FDFT1: variants seen among roughly 807,000 people sequenced by gnomAD.
FDFT1 encodes farnesyl-diphosphate farnesyltransferase 1, also known as squalene synthase.
A neutral mutation model predicts 46.8 loss-of-function variants in FDFT1; 68 were observed. That is an observed-to-expected ratio of 1.45 (90% CI 1.19 to 1.78). FDFT1 has a LOEUF of 1.78. Ranked by LOEUF, FDFT1 falls within the 40% of genes most tolerant of loss-of-function variation. The probability of loss-of-function intolerance (pLI) is 0.00; values close to 1 mark genes in which losing one functional copy is unlikely to be tolerated. For missense variants in FDFT1, 928 were observed against 524.4 expected (o/e 1.77, Z -7.52); for synonymous variants, 351 against 185.1 (o/e 1.90, Z -7.28).
chr8:11,803,148 G>A, intron 1 of FDFT1: 1 of 1,427,840 alleles, frequency 7.0e-7, no homozygotes, highest in Non-Finnish European at 9.2e-7. Flanking sequence ...AAGCCGCCCT[G>A]GGCATGAGCG....
chr8:11,803,135 C>A (rs148275104), intron 1 of FDFT1: 2 of 1,426,084 alleles, frequency 1.4e-6, no homozygotes, highest in Non-Finnish European at 1.8e-6. Flanking sequence ...TCCCTGCCCC[C>A]GCAAGCCGCC....
At chr8:11,804,650 C>G (rs1452823621) in intron 1 of FDFT1, among the ~76,000 whole-genome samples, 1 of 124,518 alleles carries the variant, frequency 8.0e-6, no homozygotes, top group Admixed American at 1.1e-4. Context: ...GTTACCCAGG[C>G]TGGAGTGCAG....
intron 4 of FDFT1, among the ~76,000 whole-genome samples, chr8:11,822,681 G>T (rs1247438411): frequency 4.6e-5 from 7 of 152,066 alleles, no homozygotes; most frequent in Admixed American, 6.6e-5. Flanking sequence ...GGAATTGGTG[G>T]CATGTGCCTG....
intron 3 of FDFT1, among the ~76,000 whole-genome samples, chr8:11,817,437 ATGGTACCAGCTC>A (rs1808616340): frequency 6.6e-6 from 1 of 152,178 alleles, no homozygotes; most frequent in African/African-American, 2.4e-5. Flanking sequence ...TTCAGAAGGA[ATGGTACCAGCTC>A]CTCTTTGTAC....
At chr8:11,796,573 A>G (rs1163780387) in intron 1 of FDFT1, among the ~76,000 whole-genome samples, 1 of 152,202 alleles carries the variant, frequency 6.6e-6, no homozygotes, top group Non-Finnish European at 1.5e-5. Flanking sequence ...GGGAAGCTTT[A>G]CGGTGGAAAA....
chr8:11,831,806 T>G, intron 7 of FDFT1, 136 bp downstream of exon 7: 1 of 763,126 alleles, frequency 1.3e-6, no homozygotes. Flanking sequence ...GGAATTGATA[T>G]CCTTTATAAG....
intron 7 of FDFT1, among the ~76,000 whole-genome samples, chr8:11,835,654 A>G (rs976268385): frequency 1.3e-5 from 2 of 152,186 alleles, no homozygotes; most frequent in African/African-American, 4.8e-5. Context: ...AAGATGGCTT[A>G]TGGTTATAAG....
chr8:11,815,627 A>G (rs1348056433), intron 3 of FDFT1, among the ~76,000 whole-genome samples: 1 of 152,160 alleles, frequency 6.6e-6, no homozygotes, highest in African/African-American at 2.4e-5. Flanking sequence ...ACCAGTGGTG[A>G]TGAGCATTTC....
chr8:11,814,607 T>C (rs1808186826), intron 3 of FDFT1, among the ~76,000 whole-genome samples: 1 of 152,222 alleles, frequency 6.6e-6, no homozygotes. Flanking sequence ...AAACAATTCT[T>C]TGAACTTAAA....
At position 11,803,361 on chromosome 8, in the gene FDFT1, C is replaced by G. The variant is rs913394703; in HGVS notation, c.99+430C>G. 9.3e-6 allele frequency: 12 copies of G among 1,290,302 alleles called. No individual in the cohort carries two copies. In the African/African-American group the frequency reaches 1.7e-4, roughly 18 times the overall value. 79.9% of individuals were successfully genotyped at this position (1,290,302 alleles called of 1,614,324 possible). A position where few individuals can be genotyped will look rare whatever the true frequency, so the allele number is the denominator to read the frequency against. On this transcript the variant is annotated intron_variant, in intron 1 of 7. Coordinates refer to ENST00000220584, the MANE Select transcript of FDFT1 (RefSeq NM_004462.5). ...AGGCCGTTTCTGGAATGAAGTCTGA[C>G]TCCTCCAGTTTCACCACCTCTTCCG...
At chr8:11,803,297 T>C in intron 1 of FDFT1, 1 of 1,311,416 alleles carries the variant, frequency 7.6e-7, no homozygotes, top group Non-Finnish European at 1.0e-6. Flanking sequence ...AGTGAGTTTT[T>C]TGGTAAGCGG....
intron 3 of FDFT1, among the ~76,000 whole-genome samples, chr8:11,816,103 A>C (rs1249880760): frequency 6.6e-6 from 1 of 152,218 alleles, no homozygotes; most frequent in Non-Finnish European, 1.5e-5. Flanking sequence ...CAGGTTTCCC[A>C]GCAGCATTTA....
chr8:11,831,121 G>A (rs1180649314), intron 6 of FDFT1, among the ~76,000 whole-genome samples: 1 of 152,094 alleles, frequency 6.6e-6, no homozygotes, highest in Non-Finnish European at 1.5e-5. Context: ...TAATGATTAT[G>A]TTTGTTGTAG....
upstream of FDFT1, chr8:11,801,695 GTT>G (rs34528992): frequency 0.037 from 8,990 of 240,384 alleles, 41 homozygotes; most frequent in Middle Eastern, 0.092. Context: ...TAGCCAGTAG[GTT>G]TTTTTTTTTT....
Position 11,838,692 on chromosome 8 carries a change from T to A in FDFT1, c.*83T>A. 1.8e-6 allele frequency: 2 copies of A among 1,109,156 alleles called. No homozygotes were observed. The highest frequency in any genetic ancestry group is 1.4e-6 in the Non-Finnish European group (1 of 731,914). 68.7% of individuals were successfully genotyped at this position (1,109,156 alleles called of 1,614,324 possible). On this transcript the variant is annotated 3_prime_UTR_variant, in exon 8 of 8. Coordinates refer to ENST00000220584, the MANE Select transcript of FDFT1 (RefSeq NM_004462.5). The stretch of plus-strand genomic sequence containing the variant: ...AGGATGGATGTTGTGTTCTCTTTAT[T>A]TTTTTCCTACTACTTTAATCCCTAA...
chr8:11,812,747 G>C (rs1807911485), intron 3 of FDFT1, among the ~76,000 whole-genome samples: 1 of 152,172 alleles, frequency 6.6e-6, no homozygotes, highest in Non-Finnish European at 1.5e-5. Flanking sequence ...TCAATACAGT[G>C]TTCTAACCCA....
chr8:11,802,141 T>C, upstream of FDFT1: 1 of 452,832 alleles, frequency 2.2e-6, no homozygotes, highest in Non-Finnish European at 4.4e-6. Flanking sequence ...GCTCCAGGAG[T>C]GTGTGGGGCT....
chr8:11,797,345 A>G (rs932818987), upstream of FDFT1, among the ~76,000 whole-genome samples: 2 of 152,194 alleles, frequency 1.3e-5, no homozygotes, highest in African/African-American at 4.8e-5. Context: ...CCAAGTGGAC[A>G]CCTAAGTCAG....
rs549932109 is a variant in FDFT1 at position 11,827,870 on chromosome 8, T to C, written c.702+1655T>C. ...GCCTGGACAACGTAGTGAGACCTTA[T>C]CTCTTAAAACAAAACAAAACAAAAC... is the stretch of plus-strand genomic sequence containing the variant. On this transcript the variant is annotated intron_variant, in intron 5 of 7. Coordinates refer to ENST00000220584, the MANE Select transcript of FDFT1 (RefSeq NM_004462.5). Among the ~76,000 whole-genome samples, 5 of 150,110 alleles carry C rather than the reference T, an allele frequency of 3.3e-5. No homozygotes were observed. The East Asian group carries it at 7.8e-4, about 23-fold the overall frequency.
Sources: allele counts gnomAD v4.1 joint callset (sites outside exome capture counted in the v4.1 genomes callset), GRCh38; gene constraint gnomAD v4.1.1; transcripts MANE v1.5; gene names NCBI Gene and HGNC (gene_info 2026-07-23, HGNC 2026-07-21).